The following RYR1 variants were observed in gnomAD, a reference collection of about 807,000 sequenced individuals.
The protein encoded by RYR1 is central core disease of muscle.
Under a neutral mutation model 583.5 loss-of-function variants are expected in RYR1, and 342 were observed. The observed-to-expected ratio is 0.59, with a 90% CI of 0.54 to 0.64. RYR1 has a LOEUF of 0.64. Ranked by LOEUF, RYR1 falls within the 30% of genes least tolerant of loss-of-function variation. The probability of loss-of-function intolerance (pLI) is 0.00; values close to 1 mark genes in which losing one functional copy is unlikely to be tolerated. For missense variants in RYR1, 6,032 were observed against 6,917.2 expected, an observed-to-expected ratio of 0.87 and a Z score of 4.54; for synonymous variants, 2,791 against 2,822.5, an observed-to-expected ratio of 0.99 and a Z score of 0.35.
At chr19:38,534,131 C>T (rs4802579) in intron 78 of RYR1, among the ~76,000 whole-genome samples, 3,418 of 151,732 alleles carry the variant, frequency 0.023, 92 homozygotes, top group Admixed American at 0.072. Context: ...CCTGCCTCAG[C>T]CTCCCAAGTA....
Position 38,543,721 on chromosome 19 carries a change from A to G in RYR1, c.11908-50A>G, listed in dbSNP as rs371096044. 4.3e-6 allele frequency: 7 copies of G among 1,611,328 alleles called. No homozygotes were observed. The highest frequency in any genetic ancestry group is 2.2e-5 in the East Asian group (1 of 44,874). On this transcript the variant is annotated intron_variant, in intron 86 of 105. Coordinates refer to ENST00000359596, the MANE Select transcript of RYR1 (RefSeq NM_000540.3). The surrounding 1 kb of genome is among the most constrained non-coding windows in gnomAD (Gnocchi z 4.4). The stretch of plus-strand genomic sequence containing the variant: ...AGGGGGTCCCGCATCGTGATCCCTG[A>G]TCCCTTCTCGGGGATTCCCTTCCCC...
Position 38,580,355 on chromosome 19 carries a change from C to A in RYR1, c.14512-15C>A. ...AGCCCAGGGCGGAGCTGACCTGGCC[C>A]CATCCTGCCCCCAGCTGGTGATGAC... On this transcript the variant is annotated splice_polypyrimidine_tract_variant and intron_variant, in intron 100 of 105. Transcript: ENST00000359596. 6.2e-7 allele frequency: 1 copy of A among 1,613,684 alleles called. No individual in the cohort carries two copies. Among genetic ancestry groups the A allele is most frequent in the Non-Finnish European group, 8.5e-7 (1 of 1,179,938 alleles).
intron 90 of RYR1, among the ~76,000 whole-genome samples, chr19:38,563,083 C>T (rs1239949807): frequency 6.6e-6 from 1 of 152,176 alleles, no homozygotes; most frequent in Admixed American, 6.5e-5. Context: ...CTCTGCCCTC[C>T]TCTCTTCCTC....
At chr19:38,559,423 G>A (rs992222428) in intron 89 of RYR1, among the ~76,000 whole-genome samples, 2 of 151,762 alleles carry the variant, frequency 1.3e-5, no homozygotes, top group Non-Finnish European at 2.9e-5. Context: ...TAGTAGAGAC[G>A]GGGTTTCACC....
Position 38,578,024 on chromosome 19 carries a change from A to G in RYR1, c.14279A>G (p.Asn4760Ser), listed in dbSNP as rs980411516. 6 of 1,613,850 alleles carry G rather than the reference A, an allele frequency of 3.7e-6. No individual in the cohort carries two copies. The highest frequency in any genetic ancestry group is 5.1e-6 in the Non-Finnish European group (6 of 1,179,972). ...EITAHNERKPNPPPGLLTWLM... is the reference protein window; with the variant it reads ...EITAHNERKPSPPPGLLTWLM... ...ACAGCCCACAATGAGCGCAAGCCCA[A>G]CCCGCCGCCAGGGCTGCTGACCTGG... Residue 4760 changes from asparagine to serine, a missense_variant, in exon 98 of 106, where the codon AAC becomes AGC. Asn to Ser is a conservative substitution (Grantham distance 46, BLOSUM62 1). Coordinates refer to ENST00000359596, the MANE Select transcript of RYR1 (RefSeq NM_000540.3).
At chr19:38,558,885 G>A (rs144555955) in intron 89 of RYR1, among the ~76,000 whole-genome samples, 3,430 of 152,242 alleles carry the variant, frequency 0.023, 94 homozygotes, top group Admixed American at 0.072. Flanking sequence ...GAGGTCAGGA[G>A]TTCAAGGCCA....
At chr19:38,465,712 C>T (rs1002706859) in intron 23 of RYR1, among the ~76,000 whole-genome samples, 7 of 151,754 alleles carry the variant, frequency 4.6e-5, no homozygotes, top group South Asian at 2.1e-4. Flanking sequence ...TGCAGTGAGC[C>T]GAGATCGTGC....
chr19:38,583,761 C>T (rs1381536893), intron 101 of RYR1, among the ~76,000 whole-genome samples: 1 of 152,000 alleles, frequency 6.6e-6, no homozygotes, highest in East Asian at 1.9e-4. Flanking sequence ...CTCTCTGTCC[C>T]CTACCCCAGG....
chr19:38,542,620 G>A (rs12981483), intron 84 of RYR1, among the ~76,000 whole-genome samples: 14,530 of 152,068 alleles, frequency 0.096, 1,437 homozygotes, highest in African/African-American at 0.25. Flanking sequence ...CCGGGTTCAA[G>A]CAATTCTCCT....
At chr19:38,560,434 TAA>T (rs891033564) in intron 89 of RYR1, among the ~76,000 whole-genome samples, 5 of 149,864 alleles carry the variant, frequency 3.3e-5, no homozygotes, top group African/African-American at 9.8e-5. Context: ...GGATAACAGA[TAA>T]AGAGTGTTAT....
chr19:38,524,151 T>TC (rs1371975375), intron 70 of RYR1, among the ~76,000 whole-genome samples: 1 of 143,888 alleles, frequency 6.9e-6, no homozygotes, highest in Non-Finnish European at 1.5e-5. Flanking sequence ...CTTTTCTTTT[T>TC]CTTCTTTCCT....
chr19:38,442,382 G>A lies in RYR1; in HGVS notation c.199G>A (p.Val67Ile), dbSNP rs761182247. The change falls in exon 3 of 106, where the codon GTC becomes ATC. Residue 67 changes from valine (V) to isoleucine (I), a missense_variant. Around this residue, in one of 11 missense-constraint regions of RYR1, gnomAD observed 6 missense variants for 30.2 expected, o/e 0.20. Coordinates refer to ENST00000359596, the MANE Select transcript of RYR1 (RefSeq NM_000540.3). ...VPPDLAICCF[V>I]LEQSLSVRAL... ...CCCCGATCTGGCCATCTGTTGCTTCGTCCTGGAGCAGTCCCTGTCTGTGCG... is the reference window on the plus strand; with the variant it reads ...CCCCGATCTGGCCATCTGTTGCTTCATCCTGGAGCAGTCCCTGTCTGTGCG... The A allele has an allele frequency of 7.4e-5, 120 of 1,613,202 alleles. 2 individuals are homozygous for A. The South Asian group carries it at 8.5e-4, about 11-fold the overall frequency.
At position 38,433,702 on chromosome 19, in the gene RYR1, T is replaced by C; in HGVS notation, c.-128T>C. ...TGCGTGTACTCCTCGCAGTTCCATC[T>C]ACCTCGCGGGTGCCTCTGGTGTCTC... On this transcript the variant is annotated 5_prime_UTR_variant, in exon 1 of 106. Coordinates refer to ENST00000359596, the MANE Select transcript of RYR1 (RefSeq NM_000540.3). 1.3e-6 allele frequency: 1 copy of C among 750,704 alleles called. No individual in the cohort carries two copies. Among genetic ancestry groups the C allele is most frequent in the Non-Finnish European group, 2.3e-6 (1 of 427,154 alleles). The allele number at this position is 750,704 out of a possible 1,614,324, so 46.5% of individuals were successfully genotyped here.
intron 101 of RYR1, among the ~76,000 whole-genome samples, chr19:38,581,602 G>T (rs1176576833): frequency 3.3e-5 from 5 of 151,734 alleles, no homozygotes; most frequent in African/African-American, 4.8e-5. Context: ...GAGGTTTTTT[G>T]TTGTTGTTGT....
chr19:38,446,581 G>A lies in RYR1; in HGVS notation c.725+16G>A, dbSNP rs372041687. The A allele has an allele frequency of 4.3e-6, 7 of 1,611,292 alleles. No homozygotes were observed. Among genetic ancestry groups the A allele is most frequent in the Non-Finnish European group, 5.9e-6 (7 of 1,177,378 alleles). On this transcript the variant is annotated intron_variant, in intron 8 of 105. Coordinates refer to ENST00000359596, the MANE Select transcript of RYR1 (RefSeq NM_000540.3). ...ACCAGCGCAGGTCTGGGCTGTGGAC[G>A]AGAGGGCCTGGGGTCTAGGGGTGGA... is the stretch of plus-strand genomic sequence containing the variant.
chr19:38,542,757 G>A (rs1972253606), intron 84 of RYR1, among the ~76,000 whole-genome samples: 1 of 152,060 alleles, frequency 6.6e-6, no homozygotes, highest in South Asian at 2.1e-4. Context: ...CTGACCTCAA[G>A]TGATCCACCC....
intron 84 of RYR1, among the ~76,000 whole-genome samples, 164 bp downstream of exon 84, chr19:38,538,124 G>A (rs1177408224): frequency 2.0e-5 from 3 of 152,124 alleles, no homozygotes; most frequent in Non-Finnish European, 2.9e-5. Flanking sequence ...GAGGCTGGGC[G>A]CAGTGACTCA....
At chr19:38,470,455 A>G (rs1450787625) in intron 27 of RYR1, among the ~76,000 whole-genome samples, 1 of 151,032 alleles carries the variant, frequency 6.6e-6, no homozygotes, top group Non-Finnish European at 1.5e-5. Flanking sequence ...AAAAAAAAAA[A>G]AGAGCTGGGC....
Position 38,473,406 on chromosome 19 carries a change from G to C in RYR1, c.3795G>C (p.Thr1265=), listed in dbSNP as rs1294599616. The part of the protein sequence containing the change: ...EVSRVDGTVD[T]PPCLRLTHRT... ...CCCGAGTGGACGGCACTGTGGACAC[G>C]CCCCCCTGCCTGCGCCTGACCCACC... The change falls in exon 28 of 106, where the codon ACG becomes ACC. Residue 1265 remains threonine, a synonymous_variant. Transcript: ENST00000359596. The C allele has an allele frequency of 1.2e-6, 2 of 1,613,614 alleles. No homozygotes were observed. The highest frequency in any genetic ancestry group is 1.7e-6 in the Non-Finnish European group (2 of 1,179,962).
Sources: allele counts gnomAD v4.1 joint callset (sites outside exome capture counted in the v4.1 genomes callset), GRCh38; gene constraint gnomAD v4.1.1; regional missense constraint gnomAD v4.1.1; non-coding constraint Gnocchi (gnomAD v3.1); transcripts MANE v1.5; gene names NCBI Gene and HGNC (gene_info 2026-07-23, HGNC 2026-07-21).